Variants in WDPCP observed in about 807,000 individuals in gnomAD.
The protein encoded by WDPCP is WD repeat-containing and planar cell polarity effector protein fritz homolog.
Under a neutral mutation model 93.1 loss-of-function variants are expected in WDPCP, and 71 were observed. The ratio of observed to expected loss-of-function variants is 0.76; its 90% CI spans 0.63 to 0.93. WDPCP has a LOEUF of 0.93. Among genes scored for constraint, WDPCP ranks in the 40% least tolerant of loss-of-function variants. The pLI is 0.00. For missense variants in WDPCP, 844 were observed against 887.4 expected (o/e 0.95, Z 0.62); for synonymous variants, 315 against 315.0 (o/e 1.00, Z 0.00).
intron 2 of WDPCP, among the ~76,000 whole-genome samples, chr2:63,662,517 G>A (rs1710236738): frequency 6.6e-6 from 1 of 152,090 alleles, no homozygotes; most frequent in Admixed American, 6.6e-5. Context: ...AGAGCAACAT[G>A]GGAAGAGCCT....
chr2:63,488,163 C>A (rs530607943), intron 2 of WDPCP, among the ~76,000 whole-genome samples: 3 of 152,106 alleles, frequency 2.0e-5, no homozygotes, highest in African/African-American at 7.2e-5. Flanking sequence ...TAATTTTGTC[C>A]ATTTTCTTCA....
chr2:63,505,412 C>T (rs1200368949), intron 1 of WDPCP, among the ~76,000 whole-genome samples: 4 of 152,012 alleles, frequency 2.6e-5, no homozygotes, highest in African/African-American at 9.7e-5. Context: ...CACAGGCATA[C>T]ATCATCACAG....
At chr2:63,304,433 C>T (rs576956540) in intron 13 of WDPCP, among the ~76,000 whole-genome samples, 4 of 152,120 alleles carry the variant, frequency 2.6e-5, no homozygotes, top group Non-Finnish European at 4.4e-5. Flanking sequence ...CCACAGAAGG[C>T]GAGCTGAAGC....
intron 1 of WDPCP, among the ~76,000 whole-genome samples, chr2:63,575,378 AGTATATACACG>A (rs1377109993): frequency 2.4e-5 from 3 of 126,650 alleles, no homozygotes; most frequent in African/African-American, 5.6e-5. Context: ...CAGTATATAC[AGTATATACACG>A]GTATATACAG....
intron 3 of WDPCP, among the ~76,000 whole-genome samples, chr2:63,640,458 C>T (rs945638676): frequency 6.6e-6 from 1 of 152,180 alleles, no homozygotes; most frequent in South Asian, 2.1e-4. Flanking sequence ...CACATCACTG[C>T]ACTCCACCCT....
chr2:63,620,000 C>T lies in WDPCP; in HGVS notation n.488+30659G>A, dbSNP rs745743973. Among the ~76,000 whole-genome samples the T allele has an allele frequency of 3.7e-4, 56 of 152,338 alleles. No homozygotes were observed. In the Middle Eastern group the frequency reaches 0.014, roughly 37 times the overall value. On this transcript the variant is annotated intron_variant and non_coding_transcript_variant, in intron 3 of 4. Transcript: ENST00000467687. Reference sequence around the variant, plus strand: ...ATGGTGCATTCCGGCCCAGATACTACGCTTTTCCCATAGGCTTTGCAACCC... The same window carrying T: ...ATGGTGCATTCCGGCCCAGATACTATGCTTTTCCCATAGGCTTTGCAACCC...
chr2:63,772,320 T>C (rs904373393), intron 2 of WDPCP, among the ~76,000 whole-genome samples: 1 of 152,128 alleles, frequency 6.6e-6, no homozygotes, highest in Non-Finnish European at 1.5e-5. Context: ...GTTGGTCGCT[T>C]GTATGTCTTC....
chr2:63,778,906 A>C (rs1352160269), intron 2 of WDPCP, among the ~76,000 whole-genome samples: 3 of 152,158 alleles, frequency 2.0e-5, no homozygotes, highest in Non-Finnish European at 2.9e-5. Context: ...ATAAAAGATA[A>C]TATTTTATCA....
chr2:63,612,611 A>T (rs1347527787), intron 3 of WDPCP, among the ~76,000 whole-genome samples: 1 of 152,128 alleles, frequency 6.6e-6, no homozygotes, highest in African/African-American at 2.4e-5. Flanking sequence ...TCCCCCATAC[A>T]CTTACCTTTC....
chr2:63,268,388 T>C (rs1226815816), intron 13 of WDPCP, among the ~76,000 whole-genome samples: 1 of 152,212 alleles, frequency 6.6e-6, no homozygotes, highest in African/African-American at 2.4e-5. Flanking sequence ...GGAATAAGTT[T>C]AGTGATCATT....
At chr2:63,295,880 C>CAAAAAAAAAAAAAAAAAAAAAA (rs59418675) in intron 13 of WDPCP, among the ~76,000 whole-genome samples, 1 of 115,254 alleles carries the variant, frequency 8.7e-6, no homozygotes, top group Non-Finnish European at 1.8e-5. Flanking sequence ...GAAACTATTC[C>CAAAAAAAAAAAAAAAAAAAAAA]AAAAAAAAAA....
At chr2:63,271,038 T>C (rs1339143603) in intron 13 of WDPCP, among the ~76,000 whole-genome samples, 5 of 152,324 alleles carry the variant, frequency 3.3e-5, no homozygotes, top group South Asian at 2.1e-4. Flanking sequence ...GGCTGTAGCA[T>C]TGAGGCACCG....
At chr2:63,705,037 G>A (rs1669126232) in intron 2 of WDPCP, among the ~76,000 whole-genome samples, 1 of 152,196 alleles carries the variant, frequency 6.6e-6, no homozygotes, top group Admixed American at 6.5e-5. Flanking sequence ...GAGGGTGTAT[G>A]TGTTGAGGAA....
chr2:63,742,440 G>T (rs1440555245), intron 2 of WDPCP, among the ~76,000 whole-genome samples: 1 of 151,468 alleles, frequency 6.6e-6, no homozygotes, highest in African/African-American at 2.4e-5. Flanking sequence ...GATAGGTCTG[G>T]CCTTCCTACT....
chr2:63,482,046 G>A (rs1700295352), intron 6 of WDPCP, among the ~76,000 whole-genome samples: 1 of 151,912 alleles, frequency 6.6e-6, no homozygotes, highest in Non-Finnish European at 1.5e-5. Flanking sequence ...GGTACAATGT[G>A]CAGATCATTG....
chr2:63,522,365 C>T lies in WDPCP; in HGVS notation c.76-29425G>A, dbSNP rs1484618276. On this transcript the variant is annotated intron_variant, in intron 1 of 17. Transcript: ENST00000272321. ...ATCACACCTAGAGGAACTAGAGAAA[C>T]AAGAGCAAACAAACCCCAAAGCTAG... Among the ~76,000 whole-genome samples the T allele has an allele frequency of 2.0e-5, 3 of 151,200 alleles. No individual in the cohort carries two copies. In the East Asian group the frequency reaches 5.9e-4, roughly 30 times the overall value.
At chr2:63,373,577 CT>C (rs969552045) in intron 12 of WDPCP, among the ~76,000 whole-genome samples, 1 of 141,630 alleles carries the variant, frequency 7.1e-6, no homozygotes, top group African/African-American at 2.6e-5. Flanking sequence ...TTTTAGATGT[CT>C]TTAAAAAAAA....
intron 13 of WDPCP, among the ~76,000 whole-genome samples, chr2:63,286,049 C>A (rs562617174): frequency 7.2e-5 from 11 of 151,828 alleles, no homozygotes; most frequent in African/African-American, 2.7e-4. Flanking sequence ...TCTCTGTCAC[C>A]CAAGCTGAGG....
At chr2:63,385,116 A>T (rs1026576319) in intron 10 of WDPCP, among the ~76,000 whole-genome samples, 8 of 152,124 alleles carry the variant, frequency 5.3e-5, no homozygotes, top group Admixed American at 5.2e-4. Context: ...TGGAAAAAAA[A>T]TTCAACATCC....
Sources: allele counts gnomAD v4.1 joint callset (sites outside exome capture counted in the v4.1 genomes callset), GRCh38; gene constraint gnomAD v4.1.1; transcripts MANE v1.5; gene names NCBI Gene and HGNC (gene_info 2026-07-23, HGNC 2026-07-21).